The following SH2D4B variants were observed in gnomAD, a reference collection of about 807,000 sequenced individuals.
The protein encoded by SH2D4B is SH2 domain-containing protein 4B.
Under a neutral mutation model 61.5 loss-of-function variants are expected in SH2D4B, and 45 were observed. The ratio of observed to expected loss-of-function variants is 0.73; its 90% CI spans 0.58 to 0.94. The LOEUF is 0.94. Ranked by LOEUF, SH2D4B falls within the 40% of genes least tolerant of loss-of-function variation. The pLI is 0.00. For missense variants in SH2D4B, 572 were observed against 574.2 expected (o/e 1.00, Z 0.04); for synonymous variants, 224 against 220.4 (o/e 1.02, Z -0.14).
intron 6 of SH2D4B, among the ~76,000 whole-genome samples, chr10:80,615,373 A>G (rs1479272385): frequency 1.3e-5 from 2 of 152,158 alleles, no homozygotes; most frequent in Non-Finnish European, 2.9e-5. Flanking sequence ...TCTTAGTTTT[A>G]CCTATTCCAT....
intron 6 of SH2D4B, among the ~76,000 whole-genome samples, chr10:80,632,794 A>G (rs1842847646): frequency 6.6e-6 from 1 of 152,008 alleles, no homozygotes; most frequent in Non-Finnish European, 1.5e-5. Context: ...TCTGGGGGGA[A>G]GCAGCGGGGT....
At chr10:80,612,198 T>TTTTTTTTTA (rs59848195) in intron 6 of SH2D4B, among the ~76,000 whole-genome samples, 16 of 125,226 alleles carry the variant, frequency 1.3e-4, no homozygotes, top group East Asian at 1.1e-3. Context: ...TTTTTTTTTT[T>TTTTTTTTTA]CAACTTTACT....
chr10:80,601,670 C>T (rs1003909243), intron 4 of SH2D4B, among the ~76,000 whole-genome samples: 6 of 152,234 alleles, frequency 3.9e-5, no homozygotes, highest in Non-Finnish European at 7.3e-5. Flanking sequence ...TTCTGAGGGA[C>T]AGACTTCATG....
intron 3 of SH2D4B, among the ~76,000 whole-genome samples, chr10:80,581,427 G>A (rs1210088660): frequency 3.9e-5 from 6 of 152,106 alleles, no homozygotes; most frequent in Non-Finnish European, 7.3e-5. Context: ...CCTAATCCCC[G>A]GGACCTCAGA....
rs969452912 is a variant in SH2D4B at position 80,645,041 on chromosome 10, C to T, written c.*956C>T. ...TCTGTTGGTGCATACTTGTGTTCCACAGTTATGGCCATATACACAGAGGTA... is the reference window on the plus strand; with the variant it reads ...TCTGTTGGTGCATACTTGTGTTCCATAGTTATGGCCATATACACAGAGGTA... On this transcript the variant is annotated 3_prime_UTR_variant, in exon 8 of 8. Transcript: ENST00000646907. 6 of 152,158 alleles carry T rather than the reference C, an allele frequency of 3.9e-5. No homozygotes were observed. Among genetic ancestry groups the T allele is most frequent in the African/African-American group, 1.4e-4 (6 of 41,430 alleles). The allele number at this position is 152,158 out of a possible 1,614,324, so 9.4% of individuals were successfully genotyped here.
chr10:80,604,861 T>G (rs1348045476), intron 5 of SH2D4B, among the ~76,000 whole-genome samples: 1 of 151,962 alleles, frequency 6.6e-6, no homozygotes, highest in African/African-American at 2.4e-5. Context: ...TGGCGTGATC[T>G]CAGCCCACTG....
chr10:80,538,215 C>A lies in SH2D4B; in HGVS notation c.-117C>A. On this transcript the variant is annotated 5_prime_UTR_variant, in exon 1 of 8. Coordinates refer to ENST00000646907, the MANE Select transcript of SH2D4B (RefSeq NM_001388272.1). The surrounding 1 kb of genome is among the most constrained non-coding windows in gnomAD (Gnocchi z 4.8). ...CTGACAATGCTGCACAGAGAAGGGGCACCGAGAGTGGCCCCGGATTGAGCA... is the reference window on the plus strand; with the variant it reads ...CTGACAATGCTGCACAGAGAAGGGGAACCGAGAGTGGCCCCGGATTGAGCA... 1 of 822,786 alleles carries A rather than the reference C, an allele frequency of 1.2e-6. No individual in the cohort carries two copies. Among genetic ancestry groups the A allele is most frequent in the Non-Finnish European group, 1.7e-6 (1 of 599,436 alleles). 51.0% of individuals were successfully genotyped at this position (822,786 alleles called of 1,614,324 possible). A position where few individuals can be genotyped will look rare whatever the true frequency, so the allele number is the denominator to read the frequency against.
At chr10:80,614,882 C>G (rs750816249) in intron 6 of SH2D4B, among the ~76,000 whole-genome samples, 7 of 152,246 alleles carry the variant, frequency 4.6e-5, no homozygotes, top group Non-Finnish European at 1.0e-4. Context: ...TCGGACTTCA[C>G]CTTGCTCATT....
intron 3 of SH2D4B, among the ~76,000 whole-genome samples, chr10:80,581,737 C>T (rs983763355): frequency 7.9e-5 from 12 of 152,132 alleles, no homozygotes; most frequent in African/African-American, 2.9e-4. Context: ...TTCGTTATGG[C>T]GGCCTGAGCA....
intron 4 of SH2D4B, among the ~76,000 whole-genome samples, chr10:80,599,217 G>A (rs1306584455): frequency 1.3e-5 from 2 of 152,168 alleles, no homozygotes; most frequent in Admixed American, 6.5e-5. Context: ...GCTAGTGGGG[G>A]TAGAGTCTGG....
At chr10:80,624,714 C>G (rs57728585) in intron 6 of SH2D4B, among the ~76,000 whole-genome samples, 2 of 152,304 alleles carry the variant, frequency 1.3e-5, no homozygotes, top group African/African-American at 4.8e-5. Context: ...GAGAACCATA[C>G]TTCAGGGACA....
intron 1 of SH2D4B, among the ~76,000 whole-genome samples, chr10:80,560,475 C>T (rs1254301951): frequency 1.3e-5 from 2 of 151,240 alleles, no homozygotes; most frequent in Non-Finnish European, 2.9e-5. Flanking sequence ...CTCAAGCCAT[C>T]CTCCAGCCTA....
At chr10:80,577,027 A>G (rs1237554115) in intron 3 of SH2D4B, among the ~76,000 whole-genome samples, 2 of 152,236 alleles carry the variant, frequency 1.3e-5, no homozygotes, top group African/African-American at 4.8e-5. Flanking sequence ...TCAGCCTCCC[A>G]AAGAGTTGGG....
chr10:80,564,711 TGAGTGTCTA>T lies in SH2D4B; in HGVS notation c.185-5442_185-5434del, dbSNP rs1450793948. Among the ~76,000 whole-genome samples the T allele has an allele frequency of 2.6e-5, 4 of 152,264 alleles. No individual in the cohort carries two copies. The East Asian group carries it at 7.7e-4, about 29-fold the overall frequency. ...AATCCTATTTTATTCAACTGCCTGT[TGAGTGTCTA>T]ATAAGCATGTCAAACAATTTGGCCA... On this transcript the variant is annotated intron_variant, in intron 1 of 7. Transcript: ENST00000646907.
chr10:80,589,349 T>C (rs117374375), intron 4 of SH2D4B, among the ~76,000 whole-genome samples: 3,274 of 152,232 alleles, frequency 0.022, 40 homozygotes, highest in Middle Eastern at 0.044. Context: ...GCCTGGGCAA[T>C]ATAGTGAGAC....
rs947054422 is a variant in SH2D4B at position 80,583,637 on chromosome 10, T to C, written c.496-4993T>C. Among the ~76,000 whole-genome samples the C allele has an allele frequency of 3.3e-5, 5 of 152,056 alleles. 1 individual carries two copies. The South Asian group carries it at 1.0e-3, about 32-fold the overall frequency. ...GTGAGCCAAAATCGTGCCACTGTAC[T>C]CCAGCCTGGGTGACAGTGAGACTCT... On this transcript the variant is annotated intron_variant, in intron 3 of 7. Coordinates refer to ENST00000646907, the MANE Select transcript of SH2D4B (RefSeq NM_001388272.1).
rs1024131499 is a variant in SH2D4B, at chr10:80,645,038, C to T, written c.*953C>T. ...GTATCTGTTGGTGCATACTTGTGTTCCACAGTTATGGCCATATACACAGAG... is the reference window on the plus strand; with the variant it reads ...GTATCTGTTGGTGCATACTTGTGTTTCACAGTTATGGCCATATACACAGAG... On this transcript the variant is annotated 3_prime_UTR_variant, in exon 8 of 8. Transcript: ENST00000646907. 1.3e-5 allele frequency: 2 copies of T among 152,168 alleles called. No homozygotes were observed. Among genetic ancestry groups the T allele is most frequent in the African/African-American group, 4.8e-5 (2 of 41,424 alleles). The allele number at this position is 152,168 out of a possible 1,614,324, so 9.4% of individuals were successfully genotyped here. A position where few individuals can be genotyped will look rare whatever the true frequency, so the allele number is the denominator to read the frequency against.
intron 4 of SH2D4B, among the ~76,000 whole-genome samples, chr10:80,596,315 C>T (rs1454045159): frequency 2.6e-5 from 4 of 152,184 alleles, no homozygotes; most frequent in Non-Finnish European, 4.4e-5. Flanking sequence ...TGTGCCCTCA[C>T]TAAATTCATC....
chr10:80,588,621 A>G lies in SH2D4B; in HGVS notation c.496-9A>G. ...CATCTCGTGTTGTTCTGTTCCCATG[A>G]CATTTTAGAGGAAAGAGGAAGAGGA... On this transcript the variant is annotated splice_polypyrimidine_tract_variant and intron_variant, in intron 3 of 7. Coordinates refer to ENST00000646907, the MANE Select transcript of SH2D4B (RefSeq NM_001388272.1). 1.2e-6 allele frequency: 2 copies of G among 1,613,604 alleles called. No individual in the cohort carries two copies. Among genetic ancestry groups the G allele is most frequent in the Non-Finnish European group, 1.7e-6 (2 of 1,179,938 alleles).
Sources: gnomAD v4.1 joint callset for allele counts (sites outside exome capture counted in the v4.1 genomes callset) on GRCh38, gnomAD v4.1.1 for gene constraint, Gnocchi (gnomAD v3.1) non-coding constraint, MANE v1.5 for transcripts, NCBI Gene and HGNC (gene_info 2026-07-23, HGNC 2026-07-21) for gene names.